DST: variants seen among roughly 807,000 people sequenced by gnomAD.
DST encodes the protein dystonin.
In DST, 253 loss-of-function variants were observed where a neutral mutation model predicts 875.2. The ratio of observed to expected loss-of-function variants is 0.29; its 90% confidence interval spans 0.26 to 0.32. The LOEUF is 0.32. Ranked by LOEUF, DST falls within the 10% of genes least tolerant of loss-of-function variation. The pLI is 1.00. For synonymous variants in DST, 3,124 were observed against 3,197.1 expected (o/e 0.98, Z 0.77); for missense variants, 8,287 against 9,111.6 (o/e 0.91, Z 3.68).
chr6:56,862,801 T>TAGGA (rs893338447), intron 3 of DST, among the ~76,000 whole-genome samples: 15 of 151,810 alleles, frequency 9.9e-5, no homozygotes, highest in African/African-American at 3.4e-4. Flanking sequence ...TGGAGGAAGG[T>TAGGA]AGGGCTGAGG....
Position 56,607,965 on chromosome 6 carries a change from C to G in DST, c.6663G>C (p.Leu2221=), listed in dbSNP as rs371997575. Residue 2221 remains leucine (L), a synonymous_variant, in exon 40 of 104, where the codon CTG becomes CTC. Coordinates refer to ENST00000680361, the MANE Select transcript of DST (RefSeq NM_001374736.1). ...CAGCCTCATCCAAGTCTCCATCGTACAGCAAAAGCCTTTGCCCTGTGTTTG... is the reference window on the plus strand; with the variant it reads ...CAGCCTCATCCAAGTCTCCATCGTAGAGCAAAAGCCTTTGCCCTGTGTTTG... ...MDANTGQRLL[L]YDGDLDEAVG... 13 of 1,613,488 alleles carry G rather than the reference C, an allele frequency of 8.1e-6. No homozygotes were observed. Among genetic ancestry groups the G allele is most frequent in the African/African-American group, 1.3e-5 (1 of 74,892 alleles).
Position 56,670,142 on chromosome 6 carries a change from G to C in DST, c.1214+499C>G, listed in dbSNP as rs539095018. ...TGTGCGAGCGCCCGTGCGTGTGTGT[G>C]TGTGTGTGTGTGTGTGTGTGTGTGT... On this transcript the variant is annotated intron_variant, in intron 10 of 103. Coordinates refer to ENST00000680361, the MANE Select transcript of DST (RefSeq NM_001374736.1). 6.3e-3 allele frequency among the ~76,000 whole-genome samples: 925 copies of C among 146,284 alleles called. 10 individuals are homozygous for C. The highest frequency in any genetic ancestry group is 0.023 in the African/African-American group (888 of 37,894).
At chr6:56,756,510 A>G (rs1430657648) in intron 4 of DST, among the ~76,000 whole-genome samples, 1 of 152,140 alleles carries the variant, frequency 6.6e-6, no homozygotes, top group African/African-American at 2.4e-5. Context: ...GAAAAGGGGT[A>G]CAAATCACCC....
At chr6:56,821,683 C>G (rs1226290511) in intron 4 of DST, among the ~76,000 whole-genome samples, 1 of 152,188 alleles carries the variant, frequency 6.6e-6, no homozygotes, top group Non-Finnish European at 1.5e-5. Flanking sequence ...CAAAAAGAAT[C>G]TTTCCTCTCT....
intron 91 of DST, 114 bp downstream of exon 91, chr6:56,477,231 A>G: frequency 8.7e-7 from 1 of 1,150,136 alleles, no homozygotes; most frequent in Non-Finnish European, 1.2e-6. Context: ...AACGTTTTCT[A>G]TGTAGAGGTC....
chr6:56,778,831 C>G (rs1028951802), intron 4 of DST, among the ~76,000 whole-genome samples: 7 of 151,952 alleles, frequency 4.6e-5, no homozygotes, highest in Non-Finnish European at 1.0e-4. Context: ...GTGAGTAGAG[C>G]TGCAATAAAC....
At chr6:56,620,640 C>G (rs1174136904) in intron 36 of DST, 1 of 1,614,178 alleles carries the variant, frequency 6.2e-7, no homozygotes, top group African/African-American at 1.3e-5. Flanking sequence ...TTGCTATTCT[C>G]AAGCACTGTT....
At chr6:56,814,280 C>G (rs1390944815) in intron 4 of DST, among the ~76,000 whole-genome samples, 1 of 152,110 alleles carries the variant, frequency 6.6e-6, no homozygotes, top group Non-Finnish European at 1.5e-5. Flanking sequence ...TTAAGTTTTA[C>G]TTTTACCATT....
chr6:56,694,070 G>A (rs1459651125), intron 9 of DST, among the ~76,000 whole-genome samples: 2 of 148,910 alleles, frequency 1.3e-5, no homozygotes, highest in African/African-American at 4.9e-5. Flanking sequence ...TATATATGTA[G>A]TTAAACTTTA....
At chr6:56,475,500 C>T (rs918986085) in intron 92 of DST, among the ~76,000 whole-genome samples, 2 of 151,524 alleles carry the variant, frequency 1.3e-5, no homozygotes, top group Admixed American at 6.6e-5. Context: ...TTTGTAAATG[C>T]ATATTAAACA....
intron 5 of DST, among the ~76,000 whole-genome samples, chr6:56,715,212 A>G (rs1228267791): frequency 1.3e-5 from 2 of 152,106 alleles, no homozygotes; most frequent in African/African-American, 4.8e-5. Context: ...CCATCAAATG[A>G]CTTCCTAGCA....
chr6:56,858,209 A>G (rs930566471), intron 3 of DST, among the ~76,000 whole-genome samples: 3 of 152,194 alleles, frequency 2.0e-5, no homozygotes, highest in Non-Finnish European at 2.9e-5. Context: ...AAGGGGGATC[A>G]GAGGGAGAGG....
At chr6:56,561,587 A>G in intron 56 of DST, 38 bp from the exon 57 acceptor site, 2 of 1,576,232 alleles carry the variant, frequency 1.3e-6, no homozygotes, top group Non-Finnish European at 1.7e-6. Flanking sequence ...ACACATTTTC[A>G]GGACATTTGG....
chr6:56,482,439 T>G (rs2095432910), intron 89 of DST: 2 of 532,162 alleles, frequency 3.8e-6, no homozygotes, highest in Non-Finnish European at 6.2e-6. Context: ...TCCATCATAC[T>G]TCCAAGCTGA....
intron 12 of DST, among the ~76,000 whole-genome samples, chr6:56,649,834 C>A (rs2098964176): frequency 6.6e-6 from 1 of 152,070 alleles, no homozygotes; most frequent in Non-Finnish European, 1.5e-5. Context: ...ATTAATTTGG[C>A]AACAGTGTGC....
At chr6:56,586,299 A>G (rs1293037431) in intron 49 of DST, among the ~76,000 whole-genome samples, 2 of 151,646 alleles carry the variant, frequency 1.3e-5, no homozygotes, top group Non-Finnish European at 2.9e-5. Context: ...GTGCATATAT[A>G]TTTAGGATAG....
chr6:56,574,333 A>C (rs576221170), intron 50 of DST, among the ~76,000 whole-genome samples: 1 of 152,304 alleles, frequency 6.6e-6, no homozygotes, highest in Non-Finnish European at 1.5e-5. Flanking sequence ...ACAGTTACAA[A>C]GATTTCTGAA....
At chr6:56,481,402 T>A (rs1299124792) in intron 90 of DST, among the ~76,000 whole-genome samples, 1 of 152,222 alleles carries the variant, frequency 6.6e-6, no homozygotes, top group East Asian at 1.9e-4. Context: ...TTTTGGCAAG[T>A]TTCATGCATT....
intron 2 of DST, among the ~76,000 whole-genome samples, chr6:56,907,096 A>C (rs1796762825): frequency 6.6e-6 from 1 of 152,174 alleles, no homozygotes; most frequent in Admixed American, 6.6e-5. Context: ...TGGACTGTGA[A>C]TATTACATGG....
Sources: gnomAD v4.1 joint callset for allele counts (sites outside exome capture counted in the v4.1 genomes callset) on GRCh38, gnomAD v4.1.1 for gene constraint, MANE v1.5 for transcripts, NCBI Gene and HGNC (gene_info 2026-07-23, HGNC 2026-07-21) for gene names.